Variants in DMXL1 observed in about 807,000 individuals in gnomAD.
The protein encoded by DMXL1 is Dmx like 1.
Under a neutral mutation model 319.2 loss-of-function variants are expected in DMXL1, and 99 were observed. The ratio of observed to expected loss-of-function variants is 0.31; its 90% CI spans 0.26 to 0.37. DMXL1 has a LOEUF of 0.37. Ranked by LOEUF, DMXL1 falls within the 10% of genes least tolerant of loss-of-function variation. DMXL1 has a pLI of 1.00. For missense variants in DMXL1, 3,745 were observed against 3,595.6 expected, an observed-to-expected ratio of 1.04 and a Z score of -1.06; for synonymous variants, 1,385 against 1,235.2, an observed-to-expected ratio of 1.12 and a Z score of -2.54.
chr5:119,075,474 AATG>A (rs1554080045), intron 1 of DMXL1, among the ~76,000 whole-genome samples: 1 of 151,502 alleles, frequency 6.6e-6, no homozygotes, highest in Non-Finnish European at 1.5e-5. Context: ...CCTCACCTCA[AATG>A]ATCCGCCCAC....
At chr5:119,120,885 A>G in intron 8 of DMXL1, 86 bp from the exon 9 acceptor site, 1 of 1,074,994 alleles carries the variant, frequency 9.3e-7, no homozygotes. Context: ...GAGCTAGGAT[A>G]TATGTAACTT....
Position 119,247,204 on chromosome 5 carries a change from G to A in DMXL1, c.9132G>A (p.Val3044=), listed in dbSNP as rs371296092. The change falls in exon 44 of 44, where the codon GTG becomes GTA. Residue 3044 remains valine, a synonymous_variant. Transcript: ENST00000539542. ...SPLNEVLKND[V]KFML ...TAAATGAAGTGTTGAAAAATGATGT[G>A]AAATTTATGCTATAACATTTTTACA... 4 of 1,610,780 alleles carry A rather than the reference G, an allele frequency of 2.5e-6. No individual in the cohort carries two copies. The African/African-American group carries it at 5.3e-5, about 22-fold the overall frequency.
intron 13 of DMXL1, among the ~76,000 whole-genome samples, chr5:119,136,468 G>A (rs769198825): frequency 2.0e-5 from 3 of 152,268 alleles, no homozygotes; most frequent in Non-Finnish European, 2.9e-5. Context: ...ATTTGCATAA[G>A]TAACCAGGAG....
At chr5:119,197,141 A>T (rs73790969) in intron 31 of DMXL1, among the ~76,000 whole-genome samples, 2 of 152,180 alleles carry the variant, frequency 1.3e-5, no homozygotes. Context: ...ATTTAATTTT[A>T]ACTTTATGTA....
intron 13 of DMXL1, among the ~76,000 whole-genome samples, chr5:119,142,973 G>T (rs936917390): frequency 6.6e-6 from 1 of 152,054 alleles, no homozygotes; most frequent in African/African-American, 2.4e-5. Flanking sequence ...AAACTAACAG[G>T]AATAGAAAAC....
intron 34 of DMXL1, among the ~76,000 whole-genome samples, chr5:119,211,754 A>C (rs950951237): frequency 6.6e-6 from 1 of 152,182 alleles, no homozygotes; most frequent in Non-Finnish European, 1.5e-5. Flanking sequence ...CAAGTACACA[A>C]CCTTATATTG....
At chr5:119,128,117 C>G in intron 9 of DMXL1, 1 of 498,902 alleles carries the variant, frequency 2.0e-6, no homozygotes, top group Non-Finnish European at 4.0e-6. Context: ...CATGGGATAT[C>G]AACTCTTGTG....
In DMXL1 at chr5:119,149,791, C is replaced by G. The variant is rs1235637911; in HGVS notation, c.3964C>G (p.Leu1322Val). Residue 1322 changes from leucine (L) to valine (V), a missense_variant, in exon 18 of 44, where the codon CTA (leucine) becomes GTA (valine). Around this residue, in one of 4 missense-constraint regions of DMXL1, gnomAD observed 2,096 missense variants for 1,985.4 expected, o/e 1.06. Transcript: ENST00000539542. ...FEAAHVLSPT[L>V]PQYHPLQLLE... is the part of the protein sequence containing the mutation. Reference sequence around the variant, plus strand: ...AGCAGCTCATGTACTTTCCCCGACTCTACCTCAGTATCATCCCTTGCAGCT... The same window carrying G: ...AGCAGCTCATGTACTTTCCCCGACTGTACCTCAGTATCATCCCTTGCAGCT... 2 of 1,613,976 alleles carry G rather than the reference C, an allele frequency of 1.2e-6. No individual in the cohort carries two copies. The highest frequency in any genetic ancestry group is 3.3e-5 in the Admixed American group (2 of 59,974).
chr5:119,075,824 C>G (rs1342984674), intron 1 of DMXL1, among the ~76,000 whole-genome samples: 1 of 152,030 alleles, frequency 6.6e-6, no homozygotes, highest in Non-Finnish European at 1.5e-5. Flanking sequence ...CTTGGCCTCC[C>G]AGGCTGCTGG....
chr5:119,241,070 G>C (rs1311715636), intron 42 of DMXL1, among the ~76,000 whole-genome samples: 1 of 151,968 alleles, frequency 6.6e-6, no homozygotes, highest in Non-Finnish European at 1.5e-5. Context: ...TAATAGCCTA[G>C]TGTTTACTGG....
At chr5:119,107,661 A>G (rs901922255) in intron 4 of DMXL1, among the ~76,000 whole-genome samples, 1 of 152,152 alleles carries the variant, frequency 6.6e-6, no homozygotes, top group Non-Finnish European at 1.5e-5. Context: ...TAAATTCTTA[A>G]TCTTTTATGG....
rs1258961248 is a variant in DMXL1, at chr5:119,071,342, C to G, written c.-228C>G. ...GGGGAGTGACAGGTGCGCGAAGGAG[C>G]GCGGCGCTCCGCCCTCTCGCCGACC... On this transcript the variant is annotated 5_prime_UTR_variant, in exon 1 of 44. Coordinates refer to ENST00000539542, the MANE Select transcript of DMXL1 (RefSeq NM_001290321.3). 3.8e-6 allele frequency: 2 copies of G among 530,014 alleles called. No individual in the cohort carries two copies. Among genetic ancestry groups the G allele is most frequent in the East Asian group, 7.1e-5 (2 of 28,154 alleles). The allele number at this position is 530,014 out of a possible 1,614,324, so 32.8% of individuals were successfully genotyped here. A position where few individuals can be genotyped will look rare whatever the true frequency, so the allele number is the denominator to read the frequency against.
At chr5:119,194,794 C>G (rs981603553) in intron 30 of DMXL1, among the ~76,000 whole-genome samples, 1 of 152,068 alleles carries the variant, frequency 6.6e-6, no homozygotes, top group South Asian at 2.1e-4. Context: ...GTGGCCTATG[C>G]CTGTAATCCC....
chr5:119,191,475 A>C (rs1778687515), intron 29 of DMXL1, among the ~76,000 whole-genome samples: 1 of 152,184 alleles, frequency 6.6e-6, no homozygotes, highest in Non-Finnish European at 1.5e-5. Flanking sequence ...TATATTCAAC[A>C]AATGTTTATT....
At chr5:119,125,138 A>G (rs556385839) in intron 9 of DMXL1, among the ~76,000 whole-genome samples, 3 of 152,364 alleles carry the variant, frequency 2.0e-5, no homozygotes, top group South Asian at 2.1e-4. Flanking sequence ...CTTCTTTTAC[A>G]TCACAACATT....
chr5:119,165,351 G>GT (rs1773200137), intron 21 of DMXL1, 71 bp downstream of exon 21: 2 of 790,022 alleles, frequency 2.5e-6, no homozygotes, highest in African/African-American at 1.8e-5. Flanking sequence ...AATGAATGAA[G>GT]TAAGATTTGT....
intron 26 of DMXL1, 106 bp downstream of exon 26, chr5:119,175,443 G>C (rs1349277160): frequency 1.3e-6 from 1 of 763,356 alleles, no homozygotes; most frequent in African/African-American, 1.8e-5. Context: ...TTTAAATAAT[G>C]CAAAAAGCAT....
At chr5:119,114,440 C>G (rs1213267037) in intron 5 of DMXL1, 35 bp from the exon 6 acceptor site, 21 of 1,446,966 alleles carry the variant, frequency 1.5e-5, no homozygotes, top group Non-Finnish European at 1.9e-5. Flanking sequence ...TTTTAGTTTT[C>G]ATTGCAAATT....
intron 10 of DMXL1, among the ~76,000 whole-genome samples, chr5:119,129,648 G>T (rs1380678664): frequency 6.6e-6 from 1 of 152,094 alleles, no homozygotes; most frequent in Non-Finnish European, 1.5e-5. Flanking sequence ...GGTTTTGTTA[G>T]CCCTTAGGAC....
Sources: gnomAD v4.1 joint callset for allele counts (sites outside exome capture counted in the v4.1 genomes callset) on GRCh38, gnomAD v4.1.1 for gene constraint, gnomAD v4.1.1 regional missense constraint, MANE v1.5 for transcripts, NCBI Gene and HGNC (gene_info 2026-07-23, HGNC 2026-07-21) for gene names.